TNFRSF11A: variants seen among roughly 807,000 people sequenced by gnomAD.
TNFRSF11A encodes tumor necrosis factor receptor superfamily member 11A.
TNFRSF11A carries 32 observed loss-of-function variants against 55.7 expected under a neutral mutation model. That is an observed-to-expected ratio of 0.57 (90% CI 0.43 to 0.77). The LOEUF is 0.77. Ranked by LOEUF, TNFRSF11A falls within the 30% of genes least tolerant of loss-of-function variation. The pLI, the probability that TNFRSF11A is intolerant of heterozygous loss-of-function variation, is 0.00. For synonymous variants in TNFRSF11A, 311 were observed against 331.0 expected (o/e 0.94, Z 0.65); for missense variants, 753 against 809.8 (o/e 0.93, Z 0.85).
At chr18:62,339,220 T>C (rs1472111079) in intron 1 of TNFRSF11A, among the ~76,000 whole-genome samples, 1 of 152,122 alleles carries the variant, frequency 6.6e-6, no homozygotes, top group African/African-American at 2.4e-5. Context: ...ACCTTTTCCT[T>C]CTACTGTCAG....
Position 62,358,317 on chromosome 18 carries a change from C to A in TNFRSF11A, c.497C>A (p.Thr166Lys). 2 of 1,612,878 alleles carry A rather than the reference C, an allele frequency of 1.2e-6. No homozygotes were observed. Among genetic ancestry groups the A allele is most frequent in the South Asian group, 2.2e-5 (2 of 91,062 alleles). The part of the protein sequence containing the change: ...AGYFSDAFSS[T>K]DKCRPWTNCT... ...TACTTCTCTGATGCCTTTTCCTCCACGGACAAATGCAGACCCTGGACCAAG... is the reference window on the plus strand; with the variant it reads ...TACTTCTCTGATGCCTTTTCCTCCAAGGACAAATGCAGACCCTGGACCAAG... The change falls in exon 5 of 10, where the codon ACG (threonine) becomes AAG (lysine). Residue 166 changes from threonine (T) to lysine (K), a missense_variant. Physicochemically the swap from Thr to Lys is moderately conservative, Grantham distance 78 (BLOSUM62 -1). This residue lies in a region of TNFRSF11A where 567 missense variants were observed against 596.7 expected (regional missense o/e 0.95). Transcript: ENST00000586569.
At chr18:62,329,123 G>GAA (rs143689678) in intron 1 of TNFRSF11A, among the ~76,000 whole-genome samples, 8,623 of 150,762 alleles carry the variant, frequency 0.057, 806 homozygotes, top group African/African-American at 0.2. Flanking sequence ...GAAGTTCATG[G>GAA]AAAAAAAAAT....
At chr18:62,327,042 G>A (rs2046085858) in intron 1 of TNFRSF11A, among the ~76,000 whole-genome samples, 1 of 79,916 alleles carries the variant, frequency 1.3e-5, no homozygotes, top group South Asian at 3.0e-4. Flanking sequence ...ATTTTGGGGC[G>A]GGTTTGGGGA....
rs959922345 is a variant in TNFRSF11A at position 62,366,626 on chromosome 18, A to G, written c.731-82A>G. 1.1e-4 allele frequency: 156 copies of G among 1,415,400 alleles called. 1 individual carries two copies. The highest frequency in any genetic ancestry group is 1.4e-4 in the Non-Finnish European group (142 of 998,800). The allele number at this position is 1,415,400 out of a possible 1,614,324, so 87.7% of individuals were successfully genotyped here. A position where few individuals can be genotyped will look rare whatever the true frequency, so the allele number is the denominator to read the frequency against. On this transcript the variant is annotated intron_variant, in intron 7 of 9. Coordinates refer to ENST00000586569, the MANE Select transcript of TNFRSF11A (RefSeq NM_003839.4). ...TCCTATAACATGTTGTATACCTTAA[A>G]TATACATAATAACCTTTATTTAAAA...
chr18:62,389,303 C>G lies in TNFRSF11A; in HGVS notation c.*4269C>G, dbSNP rs531779286. 6.6e-6 allele frequency: 1 copy of G among 152,484 alleles called. No individual in the cohort carries two copies. The highest frequency in any genetic ancestry group is 1.5e-5 in the Non-Finnish European group (1 of 68,202). The allele number at this position is 152,484 out of a possible 1,614,324, so 9.4% of individuals were successfully genotyped here. A position where few individuals can be genotyped will look rare whatever the true frequency, so the allele number is the denominator to read the frequency against. On this transcript the variant is annotated 3_prime_UTR_variant, in exon 10 of 10. Transcript: ENST00000586569. ...CCCTGCTGGTGAAGTCTTGCAACCA[C>G]TAAAGCTTTGCCAGAGAAGAGGAGG... is the stretch of plus-strand genomic sequence containing the variant.
Position 62,369,195 on chromosome 18 carries a change from G to A in TNFRSF11A, c.1278G>A (p.Val426=), listed in dbSNP as rs748018434. The part of the protein sequence containing the change: ...MSSENYLQKE[V]DSGHCPHWAA... Reference sequence around the variant, plus strand: ...CTGAAAACTACTTGCAAAAAGAGGTGGACAGTGGCCATTGCCCGCACTGGG... The same window carrying A: ...CTGAAAACTACTTGCAAAAAGAGGTAGACAGTGGCCATTGCCCGCACTGGG... Residue 426 remains valine, a synonymous_variant, in exon 9 of 10, where the codon GTG becomes GTA. Coordinates refer to ENST00000586569, the MANE Select transcript of TNFRSF11A (RefSeq NM_003839.4). 1 of 1,614,040 alleles carries A rather than the reference G, an allele frequency of 6.2e-7. No homozygotes were observed.
intron 1 of TNFRSF11A, among the ~76,000 whole-genome samples, chr18:62,334,319 C>A (rs2097536917): frequency 6.6e-6 from 1 of 152,218 alleles, no homozygotes; most frequent in Non-Finnish European, 1.5e-5. Context: ...ACCACCACTT[C>A]CTGAAGCCAA....
intron 1 of TNFRSF11A, among the ~76,000 whole-genome samples, chr18:62,337,550 C>T (rs1282626950): frequency 6.6e-6 from 1 of 152,242 alleles, no homozygotes; most frequent in Non-Finnish European, 1.5e-5. Context: ...TGCATGCTTC[C>T]TCCAAGGGCC....
At chr18:62,346,006 A>C (rs2046378248) in intron 1 of TNFRSF11A, among the ~76,000 whole-genome samples, 1 of 152,204 alleles carries the variant, frequency 6.6e-6, no homozygotes, top group Admixed American at 6.5e-5. Context: ...CTCAACAGGC[A>C]CCAGGGCTTG....
intron 1 of TNFRSF11A, among the ~76,000 whole-genome samples, chr18:62,335,610 G>A (rs2046221016): frequency 6.6e-6 from 1 of 152,198 alleles, no homozygotes. Context: ...GCACAAAGAG[G>A]CTGAAACAGC....
rs2052508441 is a variant in TNFRSF11A at position 62,387,414 on chromosome 18, A to G, written c.*2380A>G. ...GATTATATTAAGCTTATGTTTCACC[A>G]TAAAATCCTTTTTATGGCTTACTAA... is the stretch of plus-strand genomic sequence containing the variant. On this transcript the variant is annotated 3_prime_UTR_variant, in exon 10 of 10. Coordinates refer to ENST00000586569, the MANE Select transcript of TNFRSF11A (RefSeq NM_003839.4). The G allele has an allele frequency of 6.6e-6, 1 of 152,222 alleles. No individual in the cohort carries two copies. Among genetic ancestry groups the G allele is most frequent in the Non-Finnish European group, 1.5e-5 (1 of 68,036 alleles). 9.4% of individuals were successfully genotyped at this position (152,222 alleles called of 1,614,324 possible). A position where few individuals can be genotyped will look rare whatever the true frequency, so the allele number is the denominator to read the frequency against.
At chr18:62,326,837 C>A (rs965163505) in intron 1 of TNFRSF11A, among the ~76,000 whole-genome samples, 1 of 152,118 alleles carries the variant, frequency 6.6e-6, no homozygotes, top group Admixed American at 6.5e-5. Context: ...GGGGAGCGAA[C>A]CTTCTAGGAA....
chr18:62,342,002 G>A (rs911047371), intron 1 of TNFRSF11A, among the ~76,000 whole-genome samples: 1 of 151,856 alleles, frequency 6.6e-6, no homozygotes. Flanking sequence ...AGTTCTTGGG[G>A]ACTGCCTGGC....
At chr18:62,370,145 A>C (rs1303092001) in intron 9 of TNFRSF11A, among the ~76,000 whole-genome samples, 2 of 152,208 alleles carry the variant, frequency 1.3e-5, no homozygotes, top group Admixed American at 1.3e-4. Context: ...TCACTGCAAC[A>C]CTGCCTGAGC....
intron 1 of TNFRSF11A, among the ~76,000 whole-genome samples, chr18:62,333,041 A>AAGAGAGCTGGAGGGAGAAGGGCAGAGGT: frequency 6.6e-6 from 1 of 152,292 alleles, no homozygotes; most frequent in East Asian, 1.9e-4. Flanking sequence ...CTGAGAGGAA[A>AAGAGAGCTGGAGGGAGAAGGGCAGAGGT]AGAGAGCTGG....
chr18:62,327,428 T>A (rs1446397022), intron 1 of TNFRSF11A, among the ~76,000 whole-genome samples: 1 of 152,194 alleles, frequency 6.6e-6, no homozygotes, highest in Non-Finnish European at 1.5e-5. Context: ...TTGGAATGCT[T>A]TTCTGCTTAT....
At chr18:62,370,013 A>T (rs1216451305) in intron 9 of TNFRSF11A, among the ~76,000 whole-genome samples, 1 of 152,226 alleles carries the variant, frequency 6.6e-6, no homozygotes, top group Non-Finnish European at 1.5e-5. Context: ...CAAATGAATG[A>T]TACAGTAAAA....
chr18:62,360,572 G>A (rs781097964), intron 6 of TNFRSF11A, among the ~76,000 whole-genome samples: 6 of 151,954 alleles, frequency 3.9e-5, no homozygotes, highest in Non-Finnish European at 7.4e-5. Context: ...TCAGCCTCCT[G>A]AGTAGCTGGG....
At chr18:62,375,194 C>A (rs1231043545) in intron 9 of TNFRSF11A, among the ~76,000 whole-genome samples, 1 of 152,010 alleles carries the variant, frequency 6.6e-6, no homozygotes, top group African/African-American at 2.4e-5. Flanking sequence ...ATAGTCCCAG[C>A]CACTCAGGAG....
Sources: allele counts gnomAD v4.1 joint callset (sites outside exome capture counted in the v4.1 genomes callset), GRCh38; gene constraint gnomAD v4.1.1; regional missense constraint gnomAD v4.1.1; transcripts MANE v1.5; gene names NCBI Gene and HGNC (gene_info 2026-07-23, HGNC 2026-07-21).